The following CDH8 variants were observed in gnomAD, a reference collection of about 807,000 sequenced individuals.
The protein encoded by CDH8 is cadherin-8.
In CDH8, 17 loss-of-function variants were observed where a neutral mutation model predicts 68.1. That is an observed-to-expected ratio of 0.25 (90% CI 0.17 to 0.37). The LOEUF (loss-of-function observed/expected upper bound fraction) is 0.37. Among genes scored for constraint, CDH8 ranks in the 10% least tolerant of loss-of-function variants. CDH8 has a pLI of 1.00. For missense variants in CDH8, 763 were observed against 999.3 expected (o/e 0.76, Z 3.19); for synonymous variants, 372 against 365.1 (o/e 1.02, Z -0.21).
At chr16:61,694,400 C>A (rs955444238) in intron 10 of CDH8, among the ~76,000 whole-genome samples, 1 of 152,186 alleles carries the variant, frequency 6.6e-6, no homozygotes, top group African/African-American at 2.4e-5. Flanking sequence ...GAGCATTTTA[C>A]ATCATCAGTT....
chr16:61,911,283 T>C (rs1442575145), intron 2 of CDH8, among the ~76,000 whole-genome samples: 2 of 152,028 alleles, frequency 1.3e-5, no homozygotes, highest in Non-Finnish European at 2.9e-5. Context: ...AATGCATGGA[T>C]GAAGGGCATA....
intron 2 of CDH8, among the ~76,000 whole-genome samples, chr16:62,014,764 C>T (rs191848813): frequency 2.6e-3 from 399 of 152,118 alleles, no homozygotes; most frequent in African/African-American, 8.9e-3. Context: ...TGTGGCATTA[C>T]CAGCAAGAGA....
At chr16:61,957,906 C>G (rs1429505807) in intron 2 of CDH8, among the ~76,000 whole-genome samples, 1 of 152,154 alleles carries the variant, frequency 6.6e-6, no homozygotes, top group Non-Finnish European at 1.5e-5. Context: ...AGTGCAGGGT[C>G]TGCTTTAGAA....
chr16:61,827,901 CACAA>C (rs549862891), intron 4 of CDH8, among the ~76,000 whole-genome samples: 62 of 151,892 alleles, frequency 4.1e-4, no homozygotes, highest in African/African-American at 1.4e-3. Context: ...TTACTGATAA[CACAA>C]ACAGTCGATT....
rs1567546895 is a variant in CDH8 at position 61,960,411 on chromosome 16, A to ACACATACATATATACATATG, written c.253-58939_253-58938insCATATGTATATATGTATGTG. On this transcript the variant is annotated intron_variant, in intron 2 of 11. Coordinates refer to ENST00000577390, the MANE Select transcript of CDH8 (RefSeq NM_001796.5). ...TGTATACACATACATATATACATAT[A>ACACATACATATATACATATG]TGTGTGTGTGTATACACATACATAT... is the stretch of plus-strand genomic sequence containing the variant. 7.8e-3 allele frequency among the ~76,000 whole-genome samples: 626 copies of ACACATACATATATACATATG among 80,620 alleles called. 157 individuals are homozygous for ACACATACATATATACATATG. The highest frequency in any genetic ancestry group is 0.013 in the African/African-American group (193 of 14,944). The allele number at this position is 80,620 out of a possible 152,430, so 52.9% of individuals were successfully genotyped here. A position where few individuals can be genotyped will look rare whatever the true frequency, so the allele number is the denominator to read the frequency against.
chr16:61,892,388 T>A (rs914126002), intron 3 of CDH8, among the ~76,000 whole-genome samples: 2 of 152,144 alleles, frequency 1.3e-5, no homozygotes, highest in Non-Finnish European at 2.9e-5. Flanking sequence ...CAAAAGAGCA[T>A]ACAATATGTC....
chr16:61,740,876 AT>A (rs548844962), intron 8 of CDH8, among the ~76,000 whole-genome samples: 6 of 152,266 alleles, frequency 3.9e-5, no homozygotes, highest in Non-Finnish European at 7.4e-5. Flanking sequence ...TGATGCAAAA[AT>A]ATATTAATTT....
At chr16:61,807,187 T>C (rs1457458766) in intron 7 of CDH8, among the ~76,000 whole-genome samples, 2 of 150,590 alleles carry the variant, frequency 1.3e-5, no homozygotes, top group East Asian at 2.0e-4. Context: ...ATGGATGAAA[T>C]TGGAAATCAT....
At chr16:61,986,400 A>G (rs1257430649) in intron 2 of CDH8, among the ~76,000 whole-genome samples, 1 of 152,070 alleles carries the variant, frequency 6.6e-6, no homozygotes, top group Admixed American at 6.6e-5. Flanking sequence ...TTCCCTGGGG[A>G]ACTTCTAGGA....
At chr16:62,034,547 G>A (rs1215877265) in intron 1 of CDH8, among the ~76,000 whole-genome samples, 2 of 152,090 alleles carry the variant, frequency 1.3e-5, no homozygotes, top group South Asian at 4.1e-4. Flanking sequence ...GCTTTGCGAT[G>A]GTACCGGATG....
chr16:61,701,810 G>T (rs1031205277), intron 10 of CDH8, among the ~76,000 whole-genome samples: 4 of 152,234 alleles, frequency 2.6e-5, no homozygotes, highest in East Asian at 1.9e-4. Flanking sequence ...TCCACGAAAG[G>T]TTACTTTGGG....
In CDH8 at chr16:61,665,024, T is replaced by C. The variant is rs535354123; in HGVS notation, c.1655-9303A>G. ...CAACTAAATACGTAAATAATTCTTC[T>C]GTTGAAGCTATAACCCTCAGTTTGC... On this transcript the variant is annotated intron_variant, in intron 10 of 11. Coordinates refer to ENST00000577390, the MANE Select transcript of CDH8 (RefSeq NM_001796.5). Among the ~76,000 whole-genome samples the C allele has an allele frequency of 3.3e-5, 5 of 152,170 alleles. No individual in the cohort carries two copies. The South Asian group carries it at 8.3e-4, about 25-fold the overall frequency.
chr16:61,980,869 T>C (rs1473439126), intron 2 of CDH8, among the ~76,000 whole-genome samples: 1 of 152,054 alleles, frequency 6.6e-6, no homozygotes, highest in African/African-American at 2.4e-5. Flanking sequence ...CATTCAAATA[T>C]AAAATGTCTA....
chr16:61,877,844 G>A (rs1963492488), intron 3 of CDH8, among the ~76,000 whole-genome samples: 1 of 152,002 alleles, frequency 6.6e-6, no homozygotes, highest in Non-Finnish European at 1.5e-5. Flanking sequence ...AAATATTTTT[G>A]GAACCTTCAG....
intron 3 of CDH8, among the ~76,000 whole-genome samples, chr16:61,899,633 C>A (rs1365522471): frequency 6.6e-6 from 1 of 151,994 alleles, no homozygotes; most frequent in Non-Finnish European, 1.5e-5. Context: ...AACAAAATCA[C>A]CTTAAGGAGT....
intron 1 of CDH8, among the ~76,000 whole-genome samples, chr16:62,024,473 A>G (rs921276440): frequency 2.0e-5 from 3 of 152,170 alleles, no homozygotes; most frequent in African/African-American, 4.8e-5. Flanking sequence ...ATTTAAATTC[A>G]TAATAGACAT....
chr16:61,753,266 G>T (rs1428769731), intron 8 of CDH8, among the ~76,000 whole-genome samples: 1 of 148,958 alleles, frequency 6.7e-6, no homozygotes, highest in East Asian at 2.0e-4. Context: ...TTGAGATATG[G>T]TCTCGCTCTG....
At chr16:61,990,458 C>G (rs191566211) in intron 2 of CDH8, among the ~76,000 whole-genome samples, 243 of 151,614 alleles carry the variant, frequency 1.6e-3, no homozygotes, top group Non-Finnish European at 2.9e-3. Context: ...TCCCAAAGTG[C>G]GTGTATTTTA....
intron 7 of CDH8, among the ~76,000 whole-genome samples, chr16:61,797,909 CA>C (rs1244034250): frequency 6.6e-6 from 1 of 152,026 alleles, no homozygotes; most frequent in East Asian, 1.9e-4. Flanking sequence ...CAATTCATTT[CA>C]GGTCTCATTT....
Sources: allele counts gnomAD v4.1 joint callset (sites outside exome capture counted in the v4.1 genomes callset), GRCh38; gene constraint gnomAD v4.1.1; transcripts MANE v1.5; gene names NCBI Gene and HGNC (gene_info 2026-07-23, HGNC 2026-07-21).